POPDC1: variants seen among roughly 807,000 people sequenced by gnomAD.
POPDC1 encodes popeye domain cAMP effector 1.
chr6:105,135,676 C>T, the POPDC1 span, among the ~76,000 whole-genome samples: 5 of 151,850 alleles, frequency 3.3e-5, no homozygotes, highest in Non-Finnish European at 5.9e-5. Flanking sequence ...TTAGAAGGTA[C>T]GGTCATCCTA....
the POPDC1 span, among the ~76,000 whole-genome samples, chr6:105,135,221 C>T: frequency 6.6e-6 from 1 of 152,152 alleles, no homozygotes; most frequent in African/African-American, 2.4e-5. Context: ...GCCACTGAGA[C>T]AGGGATGAAA....
the POPDC1 span, among the ~76,000 whole-genome samples, chr6:105,130,400 G>C: frequency 2.0e-4 from 31 of 152,114 alleles, no homozygotes; most frequent in African/African-American, 7.5e-4. Context: ...AAATTTTTCT[G>C]TATTTGTGAT....
the POPDC1 span, chr6:105,133,598 C>G: frequency 3.2e-3 from 4,924 of 1,548,914 alleles, 149 homozygotes; most frequent in African/African-American, 0.061. Context: ...CCTGTAAAAA[C>G]AAGTAAACAA....
chr6:105,129,097 T>G, the POPDC1 span, among the ~76,000 whole-genome samples: 1 of 152,172 alleles, frequency 6.6e-6, no homozygotes, highest in Non-Finnish European at 1.5e-5. Context: ...CATCTGAATA[T>G]CAATATAAAA....
the POPDC1 span, among the ~76,000 whole-genome samples, chr6:105,120,543 G>T: frequency 4.6e-5 from 7 of 152,216 alleles, no homozygotes; most frequent in Non-Finnish European, 1.0e-4. Flanking sequence ...TCCTTGTGAA[G>T]AATTTTACTG....
the POPDC1 span, among the ~76,000 whole-genome samples, chr6:105,105,183 C>A: frequency 6.6e-6 from 1 of 152,166 alleles, no homozygotes; most frequent in South Asian, 2.1e-4. Context: ...CTGCAATCCC[C>A]CCCCAACTCC....
At chr6:105,129,264 G>T in the POPDC1 span, 1 of 940,848 alleles carries the variant, frequency 1.1e-6, no homozygotes, top group African/African-American at 1.7e-5. Flanking sequence ...AAACTTCAGA[G>T]AAATTATATT....
chr6:105,125,665 A>G, the POPDC1 span: 1 of 1,318,894 alleles, frequency 7.6e-7, no homozygotes, highest in Non-Finnish European at 1.1e-6. Flanking sequence ...GGTTTTGATA[A>G]TTAACAAATC....
the POPDC1 span, among the ~76,000 whole-genome samples, chr6:105,122,631 T>C: frequency 7.5e-3 from 1,149 of 152,278 alleles, 15 homozygotes; most frequent in African/African-American, 0.026. Flanking sequence ...AACCACCTGC[T>C]ACTATACACA....
the POPDC1 span, chr6:105,129,338 G>C: frequency 6.6e-7 from 1 of 1,508,964 alleles, no homozygotes; most frequent in Non-Finnish European, 9.0e-7. Context: ...CAAAGTTTTA[G>C]CTTTAAAATC....
At chr6:105,129,912 T>C in the POPDC1 span, among the ~76,000 whole-genome samples, 3 of 152,202 alleles carry the variant, frequency 2.0e-5, no homozygotes, top group African/African-American at 4.8e-5. Context: ...AGAAAGTGAA[T>C]CCATGGATGT....
the POPDC1 span, among the ~76,000 whole-genome samples, chr6:105,112,668 G>T: frequency 4.6e-5 from 7 of 152,262 alleles, no homozygotes; most frequent in East Asian, 1.4e-3. Context: ...GAAGGAATCA[G>T]GAGATGACAG....
chr6:105,127,583 G>C, the POPDC1 span, among the ~76,000 whole-genome samples: 4 of 152,036 alleles, frequency 2.6e-5, no homozygotes, highest in East Asian at 1.9e-4. Context: ...GGGACTACAG[G>C]TGTGTGCTAC....
chr6:105,109,141 A>G, the POPDC1 span, among the ~76,000 whole-genome samples: 2 of 152,004 alleles, frequency 1.3e-5, no homozygotes, highest in Non-Finnish European at 2.9e-5. Flanking sequence ...TATTTTTTGT[A>G]GAGACAGAGT....
the POPDC1 span, among the ~76,000 whole-genome samples, chr6:105,107,783 T>C: frequency 6.6e-6 from 1 of 152,184 alleles, no homozygotes; most frequent in South Asian, 2.1e-4. Context: ...TTTTGAAGAA[T>C]GGGAATGTGG....
chr6:105,111,698 T>C, the POPDC1 span, among the ~76,000 whole-genome samples: 1 of 152,226 alleles, frequency 6.6e-6, no homozygotes, highest in African/African-American at 2.4e-5. Flanking sequence ...AGAATCTATG[T>C]GGAAAGGAGT....
At chr6:105,119,144 C>T in the POPDC1 span, among the ~76,000 whole-genome samples, 7 of 145,976 alleles carry the variant, frequency 4.8e-5, no homozygotes, top group East Asian at 4.1e-4. Context: ...GAGATCGTGC[C>T]GCTGCACTCT....
chr6:105,136,012 TTTTG>T, the POPDC1 span, among the ~76,000 whole-genome samples: 2 of 152,168 alleles, frequency 1.3e-5, no homozygotes, highest in African/African-American at 4.8e-5. Flanking sequence ...ACTAGTAAAG[TTTTG>T]TTTATCGTTT....
At chr6:105,117,542 A>G in the POPDC1 span, among the ~76,000 whole-genome samples, 8 of 152,204 alleles carry the variant, frequency 5.3e-5, no homozygotes, top group Non-Finnish European at 1.2e-4. Context: ...GAAAGGTACT[A>G]TAACTGCACG....
Sources: gnomAD v4.1 joint callset for allele counts (sites outside exome capture counted in the v4.1 genomes callset) on GRCh38, gnomAD v4.1.1 for gene constraint, MANE v1.5 for transcripts, NCBI Gene and HGNC (gene_info 2026-07-23, HGNC 2026-07-21) for gene names.